The following ADGRV1 variants were observed in gnomAD, a reference collection of about 807,000 sequenced individuals.
ADGRV1 encodes the protein adhesion G protein-coupled receptor V1.
A neutral mutation model predicts 596.2 loss-of-function variants in ADGRV1; 359 were observed. That is an observed-to-expected ratio of 0.60 (90% confidence interval 0.55 to 0.66). ADGRV1 has a LOEUF of 0.66. ADGRV1 is among the 30% of genes least tolerant of loss of function. ADGRV1 has a pLI of 0.00. For missense variants in ADGRV1, 7,274 were observed against 7,575.6 expected (o/e 0.96, Z 1.48); for synonymous variants, 2,681 against 2,679.2 (o/e 1.00, Z -0.02).
intron 88 of ADGRV1, among the ~76,000 whole-genome samples, chr5:91,152,526 CAT>C (rs1796147108): frequency 1.3e-5 from 2 of 152,258 alleles, no homozygotes; most frequent in East Asian, 3.9e-4. Flanking sequence ...GTTCCCCACA[CAT>C]GACAACATAG....
chr5:90,923,955 T>G (rs1442621652), intron 83 of ADGRV1, among the ~76,000 whole-genome samples: 2 of 152,006 alleles, frequency 1.3e-5, no homozygotes, highest in Non-Finnish European at 2.9e-5. Context: ...ACAAAGGACA[T>G]GAACTCCTCA....
At chr5:90,729,870 ATT>A (rs370142714) in intron 50 of ADGRV1, 106 bp downstream of exon 50, 3,797 of 913,922 alleles carry the variant, frequency 4.2e-3, no homozygotes, top group East Asian at 6.1e-3. Context: ...GACACTGGGT[ATT>A]TTTTTTTTTT....
chr5:90,820,577 T>A (rs374973912), intron 75 of ADGRV1, among the ~76,000 whole-genome samples: 1 of 151,910 alleles, frequency 6.6e-6, no homozygotes, highest in Non-Finnish European at 1.5e-5. Flanking sequence ...CCATGTTTAG[T>A]GCTTGCTTCA....
chr5:90,864,614 G>C (rs550933179), intron 83 of ADGRV1, among the ~76,000 whole-genome samples: 1 of 152,110 alleles, frequency 6.6e-6, no homozygotes, highest in Admixed American at 6.5e-5. Context: ...ATATTGAGCT[G>C]GGACTCAAAT....
intron 83 of ADGRV1, among the ~76,000 whole-genome samples, chr5:90,890,381 T>C (rs544511818): frequency 1.3e-5 from 2 of 152,122 alleles, no homozygotes; most frequent in South Asian, 4.1e-4. Flanking sequence ...ACATGGTGTT[T>C]CAGTGAGCAA....
At chr5:90,787,590 C>CTTTTTTTT (rs35504697) in intron 67 of ADGRV1, among the ~76,000 whole-genome samples, 47 of 118,882 alleles carry the variant, frequency 4.0e-4, no homozygotes, top group African/African-American at 5.4e-4. Context: ...TTCTTTCTTT[C>CTTTTTTTT]TTTTTTTTTT....
chr5:90,680,954 A>G (rs1225234961), intron 26 of ADGRV1, among the ~76,000 whole-genome samples: 1 of 152,208 alleles, frequency 6.6e-6, no homozygotes, highest in Non-Finnish European at 1.5e-5. Context: ...CATGAAGGTA[A>G]GAGTCATTTT....
In ADGRV1 at chr5:90,789,797, C is replaced by G. The variant is rs1759871595; in HGVS notation, c.13989C>G (p.Pro4663=). Residue 4663 remains proline, a synonymous_variant, in exon 69 of 90, where the codon CCC becomes CCG. Transcript: ENST00000405460. ...CAGAGCCTCTGGCTCTGGAAGGGCC[C>G]CTGCTCATTACCTTCTTTGTCAGAA... The part of the protein sequence containing the change: ...TYSEPLALEG[P]LLITFFVRRV... 2.0e-6 allele frequency: 3 copies of G among 1,525,412 alleles called. No homozygotes were observed. The highest frequency in any genetic ancestry group is 1.4e-5 in the African/African-American group (1 of 72,584). The allele number at this position is 1,525,412 out of a possible 1,614,324, so 94.5% of individuals were successfully genotyped here. A position where few individuals can be genotyped will look rare whatever the true frequency, so the allele number is the denominator to read the frequency against.
At chr5:90,763,740 A>G (rs1756770194) in intron 59 of ADGRV1, among the ~76,000 whole-genome samples, 1 of 152,048 alleles carries the variant, frequency 6.6e-6, no homozygotes, top group Non-Finnish European at 1.5e-5. Context: ...ATGTGTATCC[A>G]TTGTCTGGCT....
At chr5:90,616,862 G>A (rs1763432865) in intron 2 of ADGRV1, among the ~76,000 whole-genome samples, 2 of 151,952 alleles carry the variant, frequency 1.3e-5, no homozygotes, top group South Asian at 4.1e-4. Flanking sequence ...TTCTGTTTTT[G>A]TACTCCTTAA....
At chr5:90,872,058 C>G (rs1213324363) in intron 83 of ADGRV1, among the ~76,000 whole-genome samples, 1 of 152,154 alleles carries the variant, frequency 6.6e-6, no homozygotes, top group Non-Finnish European at 1.5e-5. Context: ...ACACTGAATC[C>G]TTCCAGAGAA....
intron 85 of ADGRV1, among the ~76,000 whole-genome samples, chr5:91,022,734 A>C (rs1783742577): frequency 6.6e-6 from 1 of 152,080 alleles, no homozygotes; most frequent in African/African-American, 2.4e-5. Flanking sequence ...CCCCACCCCC[A>C]TTCATGAACA....
intron 21 of ADGRV1, among the ~76,000 whole-genome samples, chr5:90,664,058 C>T (rs1770868851): frequency 7.4e-6 from 1 of 135,402 alleles, no homozygotes; most frequent in Admixed American, 7.9e-5. Context: ...ATGCCTCCAG[C>T]TTTGTTGTTT....
At chr5:90,878,485 A>G (rs1406173281) in intron 83 of ADGRV1, among the ~76,000 whole-genome samples, 23 of 152,200 alleles carry the variant, frequency 1.5e-4, no homozygotes, top group Non-Finnish European at 1.5e-5. Context: ...CACCACTAGA[A>G]TGCTGTTTTG....
At chr5:90,796,581 T>C (rs1314442229) in intron 70 of ADGRV1, among the ~76,000 whole-genome samples, 2 of 152,170 alleles carry the variant, frequency 1.3e-5, no homozygotes, top group South Asian at 4.1e-4. Flanking sequence ...TTCCCCAACC[T>C]AGCAAGACTG....
intron 83 of ADGRV1, among the ~76,000 whole-genome samples, chr5:90,865,345 T>A (rs181447146): frequency 6.6e-6 from 1 of 152,160 alleles, no homozygotes. Flanking sequence ...ACTCTGGTGA[T>A]TTTTTGGCAG....
chr5:90,739,844 A>G (rs1254911896), intron 50 of ADGRV1, among the ~76,000 whole-genome samples: 3 of 152,188 alleles, frequency 2.0e-5, no homozygotes, highest in Admixed American at 1.3e-4. Flanking sequence ...CTTGCCTCCC[A>G]TACTAGGGTA....
chr5:90,923,951 G>T (rs1277418036), intron 83 of ADGRV1, among the ~76,000 whole-genome samples: 1 of 151,874 alleles, frequency 6.6e-6, no homozygotes, highest in African/African-American at 2.4e-5. Context: ...CCCTACAAAG[G>T]ACATGAACTC....
intron 1 of ADGRV1, among the ~76,000 whole-genome samples, chr5:90,576,804 A>T (rs1757286465): frequency 6.6e-6 from 1 of 152,226 alleles, no homozygotes; most frequent in South Asian, 2.1e-4. Flanking sequence ...AATGATTGCC[A>T]TTCTGACTGG....
Sources: allele counts gnomAD v4.1 joint callset (sites outside exome capture counted in the v4.1 genomes callset), GRCh38; gene constraint gnomAD v4.1.1; transcripts MANE v1.5; gene names NCBI Gene and HGNC (gene_info 2026-07-23, HGNC 2026-07-21).